MCC: variants seen among roughly 807,000 people sequenced by gnomAD.
MCC encodes the protein MCC regulator of Wnt signaling pathway.
A neutral mutation model predicts 116.2 loss-of-function variants in MCC; 90 were observed. The ratio of observed to expected loss-of-function variants is 0.77; its 90% CI spans 0.65 to 0.92. MCC has a LOEUF of 0.92. Among genes scored for constraint, MCC ranks in the 40% least tolerant of loss-of-function variants. The pLI is 0.00. For synonymous variants in MCC, 578 were observed against 510.5 expected (o/e 1.13, Z -1.78); for missense variants, 1,516 against 1,312.2 (o/e 1.16, Z -2.40).
At chr5:113,234,902 T>A (rs1033730667) in intron 3 of MCC, among the ~76,000 whole-genome samples, 6 of 152,180 alleles carry the variant, frequency 3.9e-5, no homozygotes, top group Non-Finnish European at 7.3e-5. Context: ...AAAAATATCT[T>A]ATGAAAGGAG....
intron 1 of MCC, among the ~76,000 whole-genome samples, chr5:113,429,136 A>T (rs956412099): frequency 6.6e-6 from 1 of 152,154 alleles, no homozygotes; most frequent in Non-Finnish European, 1.5e-5. Context: ...TCCCCTTCCC[A>T]AATTCATATG....
intron 4 of MCC, among the ~76,000 whole-genome samples, chr5:113,149,224 A>C (rs941632455): frequency 2.6e-5 from 4 of 151,788 alleles, no homozygotes; most frequent in African/African-American, 9.7e-5. Context: ...AAATATAAAA[A>C]TAACTATTTT....
In MCC at chr5:113,468,017, T is replaced by C. The variant is rs565677989; in HGVS notation, c.170+20228A>G. The stretch of plus-strand genomic sequence containing the variant: ...GGTGTATAGGAATGCTTGTGATTTT[T>C]TGCACATTGATTTTGTATCCTGAGA... On this transcript the variant is annotated intron_variant, in intron 1 of 18. Transcript: ENST00000408903. Among the ~76,000 whole-genome samples the C allele has an allele frequency of 1.8e-3, 279 of 152,340 alleles. 2 individuals are homozygous for C. The highest frequency in any genetic ancestry group is 6.5e-3 in the African/African-American group (270 of 41,578).
chr5:113,082,109 C>T (rs972605573), intron 11 of MCC, among the ~76,000 whole-genome samples: 1 of 152,218 alleles, frequency 6.6e-6, no homozygotes. Flanking sequence ...TTAGCAACTC[C>T]CTCATCACTG....
At chr5:113,187,269 C>A (rs1761938834) in intron 3 of MCC, among the ~76,000 whole-genome samples, 1 of 152,190 alleles carries the variant, frequency 6.6e-6, no homozygotes. Flanking sequence ...CCACCATGCC[C>A]AGCTCATTTT....
At chr5:113,264,891 A>C (rs1454143235) in intron 3 of MCC, among the ~76,000 whole-genome samples, 1 of 152,022 alleles carries the variant, frequency 6.6e-6, no homozygotes, top group African/African-American at 2.4e-5. Context: ...AAAATACAAA[A>C]ATTAGCCAGG....
At chr5:113,040,163 G>C (rs1440461580) in intron 17 of MCC, among the ~76,000 whole-genome samples, 6 of 145,520 alleles carry the variant, frequency 4.1e-5, no homozygotes, top group Non-Finnish European at 1.5e-5. Context: ...CCAGATGGGA[G>C]TTATACATAC....
At chr5:113,214,730 C>T (rs1453110561) in intron 3 of MCC, among the ~76,000 whole-genome samples, 1 of 152,202 alleles carries the variant, frequency 6.6e-6, no homozygotes, top group Admixed American at 6.5e-5. Context: ...AATCTCAACA[C>T]CCTCCAAGCC....
chr5:113,136,662 AG>A (rs1188219179), intron 5 of MCC, among the ~76,000 whole-genome samples: 1 of 152,192 alleles, frequency 6.6e-6, no homozygotes, highest in African/African-American at 2.4e-5. Flanking sequence ...ATTGGTGCAT[AG>A]AGATGCTAAA....
chr5:113,087,616 A>G (rs1188774123), intron 8 of MCC, among the ~76,000 whole-genome samples: 2 of 151,966 alleles, frequency 1.3e-5, no homozygotes, highest in African/African-American at 2.4e-5. Context: ...CGGTGAATTC[A>G]ACCTCCCGGT....
At chr5:113,057,578 C>G (rs1320444850) in intron 14 of MCC, among the ~76,000 whole-genome samples, 1 of 152,192 alleles carries the variant, frequency 6.6e-6, no homozygotes, top group African/African-American at 2.4e-5. Context: ...TGAGGCAGCT[C>G]AAGGGAACTG....
chr5:113,341,865 T>G (rs1205083704), intron 2 of MCC, among the ~76,000 whole-genome samples: 1 of 152,230 alleles, frequency 6.6e-6, no homozygotes, highest in East Asian at 1.9e-4. Context: ...CATAGGTTTT[T>G]GGGGAACAGG....
intron 3 of MCC, among the ~76,000 whole-genome samples, chr5:113,289,208 G>T (rs112899293): frequency 0.029 from 4,449 of 151,820 alleles, 92 homozygotes; most frequent in Middle Eastern, 0.048. Context: ...GCACGTGCCT[G>T]TAATCCCAGC....
chr5:113,164,661 A>G (rs1034700632), intron 3 of MCC, among the ~76,000 whole-genome samples: 11 of 152,254 alleles, frequency 7.2e-5, no homozygotes, highest in African/African-American at 2.4e-4. Context: ...AAACTGAGGC[A>G]CAGTCAGTTT....
intron 3 of MCC, among the ~76,000 whole-genome samples, chr5:113,304,699 A>AAC (rs1766941613): frequency 6.6e-6 from 1 of 152,096 alleles, no homozygotes; most frequent in Non-Finnish European, 1.5e-5. Context: ...TCTTTAAACT[A>AAC]TATCACATTT....
At chr5:113,077,883 G>A (rs745358404) in intron 11 of MCC, among the ~76,000 whole-genome samples, 18 of 151,924 alleles carry the variant, frequency 1.2e-4, no homozygotes, top group Admixed American at 2.6e-4. Flanking sequence ...TTTTTTGAAA[G>A]GATCAACAAA....
intron 1 of MCC, among the ~76,000 whole-genome samples, chr5:113,397,533 AT>A (rs1254907359): frequency 1.3e-5 from 2 of 152,222 alleles, no homozygotes. Context: ...TATAAAGATT[AT>A]TTTTGAAATG....
intron 2 of MCC, among the ~76,000 whole-genome samples, chr5:113,376,632 A>T (rs1387533576): frequency 7.3e-5 from 11 of 150,874 alleles, no homozygotes; most frequent in Admixed American, 7.3e-4. Flanking sequence ...AGCATTATTA[A>T]AGCCTTTTGA....
At chr5:113,211,328 T>C (rs1763127860) in intron 3 of MCC, among the ~76,000 whole-genome samples, 2 of 152,200 alleles carry the variant, frequency 1.3e-5, no homozygotes, top group African/African-American at 4.8e-5. Context: ...ACTTCAGAAC[T>C]GTGAGAAATG....
Sources: allele counts gnomAD v4.1 joint callset (sites outside exome capture counted in the v4.1 genomes callset), GRCh38; gene constraint gnomAD v4.1.1; transcripts MANE v1.5; gene names NCBI Gene and HGNC (gene_info 2026-07-23, HGNC 2026-07-21).